Variants in COG1 observed in about 807,000 individuals in gnomAD.
The protein encoded by COG1 is conserved oligomeric Golgi complex subunit 1.
COG1 carries 61 observed loss-of-function variants against 102.2 expected under a neutral mutation model. The ratio of observed to expected loss-of-function variants is 0.60; its 90% confidence interval spans 0.49 to 0.74. COG1 has a LOEUF of 0.74. COG1 is among the 30% of genes least tolerant of loss of function. COG1 has a pLI of 0.00. For missense variants in COG1, 1,164 were observed against 1,232.1 expected (o/e 0.94, Z 0.83); for synonymous variants, 454 against 493.6 (o/e 0.92, Z 1.06).
Position 73,201,878 on chromosome 17 carries a change from T to A in COG1, c.2051T>A (p.Val684Asp). The change falls in exon 7 of 14, where the codon GTC (valine) becomes GAC (aspartate). Residue 684 changes from valine (V) to aspartate (D), a missense_variant. By Grantham distance (152) the Val-to-Asp change is radical. Transcript: ENST00000299886. Reference protein sequence around the residue: ...LLQQSVMGYQVWSSAVVKVLI... With the variant: ...LLQQSVMGYQDWSSAVVKVLI... ...CAGCAGAGCGTGATGGGCTACCAGG[T>A]CTGGAGCAGTGCAGTTGTGAAAGTG... The A allele has an allele frequency of 6.2e-7, 1 of 1,614,202 alleles. No individual in the cohort carries two copies. The highest frequency in any genetic ancestry group is 8.5e-7 in the Non-Finnish European group (1 of 1,180,026).
chr17:73,201,920 A>G lies in COG1; in HGVS notation c.2073+20A>G. ...GTGAAAGTGAGTGATGTAATTTCTT[A>G]TCCCTGTCTTGTCTCACTTCTGTCA... is the stretch of plus-strand genomic sequence containing the variant. On this transcript the variant is annotated intron_variant, in intron 7 of 13. Transcript: ENST00000299886. 6.2e-7 allele frequency: 1 copy of G among 1,610,982 alleles called. No homozygotes were observed. The highest frequency in any genetic ancestry group is 8.5e-7 in the Non-Finnish European group (1 of 1,177,722).
At position 73,205,573 on chromosome 17, in the gene COG1, C is replaced by T; in HGVS notation, c.2403C>T (p.Val801=). 6.2e-7 allele frequency: 1 copy of T among 1,614,192 alleles called. No homozygotes were observed. The highest frequency in any genetic ancestry group is 8.5e-7 in the Non-Finnish European group (1 of 1,180,038). ...TGCAGAAAGAAGGTGCATTTCCAGT[C>T]ACCCAGAACCGGGCGCTGCAGCTGC... ...KQIKKEGAFP[V]TQNRALQLLY... The change falls in exon 10 of 14, where the codon GTC becomes GTT. Residue 801 remains valine (V), a synonymous_variant. Coordinates refer to ENST00000299886, the MANE Select transcript of COG1 (RefSeq NM_018714.3).
intron 10 of COG1, 139 bp downstream of exon 10, chr17:73,205,819 C>T: frequency 9.1e-7 from 1 of 1,098,196 alleles, no homozygotes; most frequent in Non-Finnish European, 1.4e-6. Flanking sequence ...CTCATATTGC[C>T]AGCAAGTTAA....
chr17:73,203,399 C>T, intron 8 of COG1: 3 of 697,370 alleles, frequency 4.3e-6, no homozygotes, highest in Non-Finnish European at 7.2e-6. Flanking sequence ...GTGAAATCAG[C>T]AGCATAAAAC....
Position 73,202,996 on chromosome 17 carries a change from C to T in COG1, c.2074-4C>T. The T allele has an allele frequency of 1.2e-6, 2 of 1,613,992 alleles. No homozygotes were observed. The highest frequency in any genetic ancestry group is 2.7e-5 in the African/African-American group (2 of 75,016). On this transcript the variant is annotated splice_polypyrimidine_tract_variant and splice_region_variant and intron_variant, in intron 7 of 13. Transcript: ENST00000299886. ...TTGTATGGATATCTGCCTTTTATTACCAGGTTTTGATTCATGGATTCACCC... is the reference window on the plus strand; with the variant it reads ...TTGTATGGATATCTGCCTTTTATTATCAGGTTTTGATTCATGGATTCACCC...
intron 9 of COG1, among the ~76,000 whole-genome samples, 187 bp downstream of exon 9, chr17:73,203,980 C>A (rs1412467693): frequency 6.6e-6 from 1 of 152,110 alleles, no homozygotes; most frequent in Non-Finnish European, 1.5e-5. Flanking sequence ...TACTTACACT[C>A]ATTCTAAAGG....
chr17:73,207,966 C>T, intron 13 of COG1: 1 of 1,238,040 alleles, frequency 8.1e-7, no homozygotes, highest in Non-Finnish European at 1.0e-6. Context: ...AAAAACCATC[C>T]AGTCCCTAAG....
Position 73,201,175 on chromosome 17 carries a change from C to T in COG1, c.1348C>T (p.Gln450Ter), listed in dbSNP as rs193921130. 1 of 1,614,190 alleles carries T rather than the reference C, an allele frequency of 6.2e-7. No individual in the cohort carries two copies. The highest frequency in any genetic ancestry group is 8.5e-7 in the Non-Finnish European group (1 of 1,180,010). Residue 450 changes from glutamine to a stop codon, truncating the protein, a stop_gained, in exon 7 of 14, where the codon CAG becomes TAG. Coordinates refer to ENST00000299886, the MANE Select transcript of COG1 (RefSeq NM_018714.3). LOFTEE classifies it high-confidence loss of function. ...CAAGGAGCTCTTGGTTTCAGCTTTG[C>T]AGGAACTTGAAAGCAGCACCAGCAA... ...SSKELLVSAL[Q>*]ELESSTSNSP...
intron 1 of COG1, 21 bp downstream of exon 1, chr17:73,193,405 CCTGCGACCCGCAGG>C: frequency 1.4e-6 from 2 of 1,400,076 alleles, no homozygotes; most frequent in Non-Finnish European, 1.8e-6. Context: ...GTGCCCCCAC[CCTGCGACCCGCAGG>C]CGGGTCCCGG....
At chr17:73,205,963 G>A in intron 10 of COG1, 191 bp from the exon 11 acceptor site, 1 of 680,952 alleles carries the variant, frequency 1.5e-6, no homozygotes. Context: ...GACAGAACGG[G>A]GGAAAGGGTG....
rs151115237 is a variant in COG1 at position 73,203,039 on chromosome 17, G to C, written c.2113G>C (p.Asp705His). ...HGFTQSLLLDDAGSVLATATS... is the reference protein window; with the variant it reads ...HGFTQSLLLDHAGSVLATATS... ...ATTCACCCAGTCATTACTTCTAGATGATGCTGGCTCAGTTCTGGCCACAGC... is the reference window on the plus strand; with the variant it reads ...ATTCACCCAGTCATTACTTCTAGATCATGCTGGCTCAGTTCTGGCCACAGC... The change falls in exon 8 of 14, where the codon GAT (aspartate) becomes CAT (histidine). Residue 705 changes from aspartate (D) to histidine (H), a missense_variant. By Grantham distance (81) the Asp-to-His change is moderately conservative (BLOSUM62 -1). Coordinates refer to ENST00000299886, the MANE Select transcript of COG1 (RefSeq NM_018714.3). The C allele has an allele frequency of 3.7e-6, 6 of 1,614,026 alleles. No homozygotes were observed. Among genetic ancestry groups the C allele is most frequent in the South Asian group, 1.1e-5 (1 of 91,088 alleles).
rs2061329349 is a variant in COG1, at chr17:73,197,232, G to T, written c.749G>T (p.Gly250Val). 1 of 1,614,062 alleles carries T rather than the reference G, an allele frequency of 6.2e-7. No individual in the cohort carries two copies. The change falls in exon 4 of 14, where the codon GGT becomes GTT. Residue 250 changes from glycine to valine, a missense_variant. By Grantham distance (109) the Gly-to-Val change is moderately radical. Transcript: ENST00000299886. ...KLLNQPHHGA[G>V]IKAQICSLVE... is the part of the protein sequence containing the mutation. ...GGATGGTTTCTTCTTTTAGGTGCTGGTATCAAGGCTCAGATTTGCTCATTA... is the reference window on the plus strand; with the variant it reads ...GGATGGTTTCTTCTTTTAGGTGCTGTTATCAAGGCTCAGATTTGCTCATTA...
intron 1 of COG1, among the ~76,000 whole-genome samples, chr17:73,194,441 CA>C (rs572388712): frequency 1.4e-3 from 77 of 54,950 alleles, no homozygotes; most frequent in South Asian, 0.014. Context: ...GACTCTGTCT[CA>C]AAAAAAAAAA....
intron 6 of COG1, 58 bp from the exon 7 acceptor site, chr17:73,201,051 T>C (rs1052606294): frequency 1.0e-5 from 15 of 1,486,084 alleles, no homozygotes; most frequent in Non-Finnish European, 1.4e-5. Context: ...TTGGTACTTT[T>C]GTTTTGAAAT....
In COG1 at chr17:73,206,811, AG is replaced by A; in HGVS notation, c.2724del (p.Ile909SerfsTer8). The A allele has an allele frequency of 6.2e-7, 1 of 1,613,090 alleles. No homozygotes were observed. Among genetic ancestry groups the A allele is most frequent in the Non-Finnish European group, 8.5e-7 (1 of 1,179,180 alleles). Reference protein sequence around the residue: ...PHNILPLASSQIRFGLLPLSM... With the variant: ...PHNILPLASSXIRFGLLPLSM... The stretch of plus-strand genomic sequence containing the variant: ...AACATCCTGCCACTGGCATCCAGTC[AG>A]ATCAGGTAAAGGCTGCCAAGAGGCT... On this transcript the variant is annotated frameshift_variant, in exon 12 of 14. Coordinates refer to ENST00000299886, the MANE Select transcript of COG1 (RefSeq NM_018714.3). LOFTEE classifies it high-confidence loss of function.
intron 6 of COG1, 21 bp from the exon 7 acceptor site, chr17:73,201,088 T>C: frequency 6.2e-7 from 1 of 1,608,082 alleles, no homozygotes; most frequent in Non-Finnish European, 8.5e-7. Context: ...TGATTAGAAC[T>C]CTTCTCTCAT....
At chr17:73,207,913 A>G (rs1257238278) in intron 13 of COG1, 6 of 1,185,292 alleles carry the variant, frequency 5.1e-6, no homozygotes, top group Admixed American at 4.0e-5. Context: ...ATCTGGCTTT[A>G]AAAGTTGGGA....
intron 4 of COG1, 23 bp from the exon 5 acceptor site, chr17:73,199,842 T>C (rs1436480263): frequency 6.2e-7 from 1 of 1,614,024 alleles, no homozygotes; most frequent in South Asian, 1.1e-5. Flanking sequence ...CCTAGATGGC[T>C]TCTCACTTGG....
intron 12 of COG1, 93 bp downstream of exon 12, chr17:73,206,910 T>C (rs2061377013): frequency 1.1e-6 from 1 of 926,306 alleles, no homozygotes; most frequent in Non-Finnish European, 1.7e-6. Context: ...GCTAACATGG[T>C]GAAACCCTGT....
Sources: gnomAD v4.1 joint callset for allele counts (sites outside exome capture counted in the v4.1 genomes callset) on GRCh38, gnomAD v4.1.1 for gene constraint, MANE v1.5 for transcripts, NCBI Gene and HGNC (gene_info 2026-07-23, HGNC 2026-07-21) for gene names.